Variants in FBXW8 observed in about 807,000 individuals in gnomAD.
FBXW8 encodes the protein F-box and WD repeat domain containing 8, also known as F-box/WD repeat-containing protein 8.
Under a neutral mutation model 65.3 loss-of-function variants are expected in FBXW8, and 57 were observed. The observed-to-expected ratio is 0.87, with a 90% CI of 0.71 to 1.09. The LOEUF (loss-of-function observed/expected upper bound fraction) is 1.09, where lower values mean the gene tolerates loss of function less well. FBXW8 is among the 50% of genes least tolerant of loss of function. The pLI, the probability that FBXW8 is intolerant of heterozygous loss-of-function variation, is 0.00. For missense variants in FBXW8, 777 were observed against 814.8 expected, an observed-to-expected ratio of 0.95 and a Z score of 0.57; for synonymous variants, 308 against 330.2, an observed-to-expected ratio of 0.93 and a Z score of 0.73.
chr12:116,953,125 C>T (rs1343128234), intron 4 of FBXW8, among the ~76,000 whole-genome samples: 9 of 152,200 alleles, frequency 5.9e-5, no homozygotes, highest in African/African-American at 2.2e-4. Context: ...AAACTTAATA[C>T]ACAGACTCCC....
chr12:116,963,364 T>C (rs1884105904), intron 4 of FBXW8, among the ~76,000 whole-genome samples: 2 of 152,084 alleles, frequency 1.3e-5, no homozygotes, highest in South Asian at 2.1e-4. Context: ...CCCAACACTT[T>C]TGGAGGCCGA....
intron 1 of FBXW8, among the ~76,000 whole-genome samples, chr12:116,921,874 G>A (rs1880937929): frequency 7.3e-6 from 1 of 137,418 alleles, no homozygotes; most frequent in African/African-American, 2.7e-5. Context: ...CTTTTGCCTA[G>A]GCTGGAGTGC....
intron 5 of FBXW8, among the ~76,000 whole-genome samples, chr12:116,982,736 C>A (rs753044864): frequency 7.9e-5 from 12 of 151,568 alleles, no homozygotes; most frequent in Non-Finnish European, 1.8e-4. Flanking sequence ...ATGATGCCAG[C>A]AAAGCCAATA....
At chr12:116,995,082 A>T (rs999522715) in intron 7 of FBXW8, among the ~76,000 whole-genome samples, 6 of 152,198 alleles carry the variant, frequency 3.9e-5, no homozygotes, top group Non-Finnish European at 8.8e-5. Context: ...CCTGCCCTTC[A>T]TTTAAATTAT....
chr12:116,983,130 GT>G (rs759901832), intron 5 of FBXW8, among the ~76,000 whole-genome samples: 2 of 151,922 alleles, frequency 1.3e-5, no homozygotes, highest in Admixed American at 6.6e-5. Context: ...GCAAATGGGA[GT>G]TTTTTTTCTC....
chr12:116,934,569 G>A (rs1308895038), intron 2 of FBXW8, among the ~76,000 whole-genome samples: 1 of 152,132 alleles, frequency 6.6e-6, no homozygotes, highest in Non-Finnish European at 1.5e-5. Flanking sequence ...TTATATTACA[G>A]TGTGAATAAT....
intron 5 of FBXW8, among the ~76,000 whole-genome samples, chr12:116,970,549 T>C (rs1884592755): frequency 6.6e-6 from 1 of 152,222 alleles, no homozygotes; most frequent in South Asian, 2.1e-4. Context: ...GACCATGTTT[T>C]AGTTAGACGG....
intron 8 of FBXW8, among the ~76,000 whole-genome samples, chr12:117,016,275 C>A (rs1249313510): frequency 6.6e-6 from 1 of 152,160 alleles, no homozygotes; most frequent in African/African-American, 2.4e-5. Flanking sequence ...TTTTACATTC[C>A]CACCAGCACT....
intron 5 of FBXW8, among the ~76,000 whole-genome samples, chr12:116,974,240 C>A (rs927712543): frequency 2.6e-5 from 4 of 152,242 alleles, no homozygotes; most frequent in African/African-American, 9.6e-5. Context: ...TCCCTCGAGT[C>A]TTTGGCTGAG....
intron 4 of FBXW8, among the ~76,000 whole-genome samples, chr12:116,951,638 C>T (rs781156211): frequency 1.8e-4 from 28 of 152,170 alleles, no homozygotes; most frequent in Non-Finnish European, 3.7e-4. Context: ...CTATTAAGTA[C>T]ATTTCACATC....
intron 4 of FBXW8, among the ~76,000 whole-genome samples, chr12:116,964,338 A>G (rs1226383853): frequency 1.3e-5 from 2 of 152,168 alleles, no homozygotes; most frequent in Non-Finnish European, 2.9e-5. Flanking sequence ...TTTGTGGGTA[A>G]ATAGTGGGGC....
intron 4 of FBXW8, chr12:116,950,308 TTACTC>T (rs1883195963): frequency 6.6e-6 from 1 of 152,508 alleles, no homozygotes; most frequent in Non-Finnish European, 1.5e-5. Flanking sequence ...ATATATTTAT[TTACTC>T]TACAATAAGA....
intron 8 of FBXW8, among the ~76,000 whole-genome samples, chr12:117,022,856 T>G (rs1190062740): frequency 1.3e-5 from 2 of 152,238 alleles, no homozygotes; most frequent in African/African-American, 4.8e-5. Context: ...GATGTGTTTT[T>G]CATGCATAGC....
intron 1 of FBXW8, among the ~76,000 whole-genome samples, chr12:116,926,320 T>C (rs539027338): frequency 3.9e-5 from 6 of 152,294 alleles, no homozygotes; most frequent in African/African-American, 1.4e-4. Flanking sequence ...GGAACATTTT[T>C]CTCTTGTTTC....
chr12:116,974,006 T>C (rs1264461381), intron 5 of FBXW8, among the ~76,000 whole-genome samples: 1 of 152,248 alleles, frequency 6.6e-6, no homozygotes, highest in Non-Finnish European at 1.5e-5. Flanking sequence ...CCCATGGCTG[T>C]GATCTCTTGG....
rs1406510804 is a variant in FBXW8, at chr12:116,933,779, A to G, written c.423+5652A>G. 3.3e-5 allele frequency among the ~76,000 whole-genome samples: 5 copies of G among 152,252 alleles called. No individual in the cohort carries two copies. The East Asian group carries it at 9.6e-4, about 29-fold the overall frequency. On this transcript the variant is annotated intron_variant, in intron 2 of 10. Transcript: ENST00000652555. ...TTGTAGAATTGGCTTTGTTTCATCA[A>G]TCATTAAAATTAAAACCACAAAGTA...
chr12:116,959,363 G>T (rs1883845342), intron 4 of FBXW8, among the ~76,000 whole-genome samples: 1 of 152,178 alleles, frequency 6.6e-6, no homozygotes, highest in Non-Finnish European at 1.5e-5. Context: ...ATCTGAGGAG[G>T]CAGAGTGGCT....
chr12:116,957,172 C>A (rs186117582), intron 4 of FBXW8, among the ~76,000 whole-genome samples: 1 of 152,030 alleles, frequency 6.6e-6, no homozygotes, highest in African/African-American at 2.4e-5. Context: ...CATGGCAAAA[C>A]CCCTTCTCTA....
chr12:116,922,791 C>T (rs1488026077), intron 1 of FBXW8, among the ~76,000 whole-genome samples: 2 of 151,756 alleles, frequency 1.3e-5, no homozygotes, highest in Non-Finnish European at 2.9e-5. Flanking sequence ...TAATATGACC[C>T]CTTTGAGTGT....
Sources: gnomAD v4.1 joint callset for allele counts (sites outside exome capture counted in the v4.1 genomes callset) on GRCh38, gnomAD v4.1.1 for gene constraint, MANE v1.5 for transcripts, NCBI Gene and HGNC (gene_info 2026-07-23, HGNC 2026-07-21) for gene names.